Variants in PRR14L observed in about 807,000 individuals in gnomAD.
PRR14L encodes the protein protein PRR14L.
Under a neutral mutation model 155.0 loss-of-function variants are expected in PRR14L, and 80 were observed. That is an observed-to-expected ratio of 0.52 (90% CI 0.43 to 0.62). The LOEUF (loss-of-function observed/expected upper bound fraction) is 0.62, where lower values mean the gene tolerates loss of function less well. Among genes scored for constraint, PRR14L ranks in the 20% least tolerant of loss-of-function variants. PRR14L has a pLI of 0.00. For synonymous variants in PRR14L, 883 were observed against 916.0 expected, an observed-to-expected ratio of 0.96 and a Z score of 0.65; for missense variants, 2,469 against 2,548.0, an observed-to-expected ratio of 0.97 and a Z score of 0.67.
At chr22:31,712,028 CCA>C in intron 4 of PRR14L, 53 bp downstream of exon 4, 1 of 1,503,560 alleles carries the variant, frequency 6.7e-7, no homozygotes, top group Non-Finnish European at 9.0e-7. Context: ...TCTCATCTCC[CCA>C]GAGACAGGAA....
Position 31,703,652 on chromosome 22 carries a change from G to C in PRR14L, c.5898C>G (p.Leu1966=), listed in dbSNP as rs772450310. 2 of 1,613,000 alleles carry C rather than the reference G, an allele frequency of 1.2e-6. No individual in the cohort carries two copies. Among genetic ancestry groups the C allele is most frequent in the East Asian group, 4.5e-5 (2 of 44,802 alleles). Residue 1966 remains leucine, a synonymous_variant, in exon 6 of 9, where the codon CTC becomes CTG. Coordinates refer to ENST00000327423, the MANE Select transcript of PRR14L (RefSeq NM_173566.3). ...CCTGGAACTCAGAGGCTGAAAGCAG[G>C]AGCTTGCTGACAGCTGATTCTGCTA... ...CLVAESAVSK[L]LLSASEFQVR...
At chr22:31,726,903 C>T (rs140686953) in intron 2 of PRR14L, among the ~76,000 whole-genome samples, 14 of 150,810 alleles carry the variant, frequency 9.3e-5, no homozygotes, top group Admixed American at 2.1e-4. Flanking sequence ...ACCTGTTATC[C>T]ATCCCGTTCT....
intron 7 of PRR14L, among the ~76,000 whole-genome samples, chr22:31,696,614 T>C (rs1215706122): frequency 1.3e-5 from 2 of 152,232 alleles, no homozygotes; most frequent in African/African-American, 4.8e-5. Context: ...AGAAGTGTCC[T>C]GAATTGCTCT....
chr22:31,730,516 C>G (rs114620531), intron 2 of PRR14L, among the ~76,000 whole-genome samples: 2,271 of 152,202 alleles, frequency 0.015, 57 homozygotes, highest in African/African-American at 0.053. Context: ...GGGGCAGTGT[C>G]CTATCAGGAG....
In PRR14L at chr22:31,701,649, A is replaced by T; in HGVS notation, c.6107+7T>A. 2 of 1,580,806 alleles carry T rather than the reference A, an allele frequency of 1.3e-6. No individual in the cohort carries two copies. Among genetic ancestry groups the T allele is most frequent in the Non-Finnish European group, 1.7e-6 (2 of 1,159,430 alleles). On this transcript the variant is annotated splice_region_variant and intron_variant, in intron 7 of 8. Transcript: ENST00000327423. Reference sequence around the variant, plus strand: ...TGAACCTAGCTTGTAACAGAGAAGGAGCTCACCTTTTGGGTCGAGGAAGGC... The same window carrying T: ...TGAACCTAGCTTGTAACAGAGAAGGTGCTCACCTTTTGGGTCGAGGAAGGC...
At chr22:31,705,185 C>T (rs777512640) in intron 4 of PRR14L, among the ~76,000 whole-genome samples, 12 of 151,986 alleles carry the variant, frequency 7.9e-5, no homozygotes, top group Non-Finnish European at 1.2e-4. Context: ...TGCTTGAGCC[C>T]GGAAGATCAA....
chr22:31,734,253 G>T (rs904980612), intron 2 of PRR14L, among the ~76,000 whole-genome samples: 2 of 152,152 alleles, frequency 1.3e-5, no homozygotes, highest in African/African-American at 4.8e-5. Flanking sequence ...TTACAGGTGT[G>T]AGCCACCACA....
At chr22:31,707,380 C>A (rs2074597926) in intron 4 of PRR14L, among the ~76,000 whole-genome samples, 1 of 151,936 alleles carries the variant, frequency 6.6e-6, no homozygotes, top group African/African-American at 2.4e-5. Context: ...GAGGAAGTGG[C>A]ACAACCTATT....
At chr22:31,689,995 C>T (rs1014192343) in intron 7 of PRR14L, among the ~76,000 whole-genome samples, 1 of 151,884 alleles carries the variant, frequency 6.6e-6, no homozygotes, top group African/African-American at 2.4e-5. Context: ...CGGCTCACTG[C>T]AACCTCTACC....
In PRR14L at chr22:31,737,992, G is replaced by A. The variant is rs529291529; in HGVS notation, c.474+395C>T. Among the ~76,000 whole-genome samples the A allele has an allele frequency of 1.1e-3, 162 of 151,922 alleles. 1 individual carries two copies. Among genetic ancestry groups the A allele is most frequent in the African/African-American group, 3.7e-3 (154 of 41,432 alleles). On this transcript the variant is annotated intron_variant, in intron 2 of 8. Transcript: ENST00000327423. ...GTCGTGCCACTGCACTCCAGCCTGG[G>A]TGACAGAATGAGACCTTCTTAAAAA...
chr22:31,688,136 T>G lies in PRR14L; in HGVS notation c.6179+20A>C, dbSNP rs1367098627. On this transcript the variant is annotated intron_variant, in intron 8 of 8. Coordinates refer to ENST00000327423, the MANE Select transcript of PRR14L (RefSeq NM_173566.3). Reference sequence around the variant, plus strand: ...TCATTTCAAATTCTTCCCTTTTATTTCCCAGCTATAAGTACCTACCTGTTT... The same window carrying G: ...TCATTTCAAATTCTTCCCTTTTATTGCCCAGCTATAAGTACCTACCTGTTT... The G allele has an allele frequency of 6.3e-7, 1 of 1,594,314 alleles. No homozygotes were observed. Among genetic ancestry groups the G allele is most frequent in the South Asian group, 1.2e-5 (1 of 86,618 alleles).
chr22:31,698,566 T>C (rs2074546883), intron 7 of PRR14L, among the ~76,000 whole-genome samples: 1 of 151,790 alleles, frequency 6.6e-6, no homozygotes, highest in Non-Finnish European at 1.5e-5. Context: ...CATTGAGACT[T>C]ATATAAATCA....
At position 31,716,367 on chromosome 22, in the gene PRR14L, T is replaced by C; in HGVS notation, c.1472A>G (p.Glu491Gly). Residue 491 changes from glutamate to glycine, a missense_variant, in exon 4 of 9, where the codon GAG becomes GGG. Glu to Gly is a moderately conservative substitution (Grantham distance 98, BLOSUM62 -2). Coordinates refer to ENST00000327423, the MANE Select transcript of PRR14L (RefSeq NM_173566.3). Reference protein sequence around the residue: ...VHVQGNLTNPEDHKETFTNMS... With the variant: ...VHVQGNLTNPGDHKETFTNMS... ...ATTAGTAAAAGTTTCTTTATGGTCC[T>C]CAGGGTTTGTCAAGTTACCTTGAAC... 1 of 1,550,706 alleles carries C rather than the reference T, an allele frequency of 6.4e-7. No individual in the cohort carries two copies. The highest frequency in any genetic ancestry group is 1.2e-5 in the South Asian group (1 of 83,752).
intron 3 of PRR14L, among the ~76,000 whole-genome samples, chr22:31,718,792 G>A (rs569022808): frequency 3.3e-5 from 4 of 121,226 alleles, no homozygotes; most frequent in South Asian, 4.5e-4. Context: ...TTTAAAGATC[G>A]GCCAGGCATG....
At chr22:31,724,709 T>A (rs2074707733) in intron 3 of PRR14L, among the ~76,000 whole-genome samples, 1 of 152,178 alleles carries the variant, frequency 6.6e-6, no homozygotes, top group Non-Finnish European at 1.5e-5. Context: ...GATGATTCTG[T>A]ATTAGCCTTG....
In PRR14L at chr22:31,713,329, C is replaced by A. The variant is rs1049636101; in HGVS notation, c.4510G>T (p.Asp1504Tyr). The A allele has an allele frequency of 4.5e-6, 7 of 1,552,182 alleles. No individual in the cohort carries two copies. The highest frequency in any genetic ancestry group is 6.1e-6 in the Non-Finnish European group (7 of 1,147,128). ...KAQDPSSAGC[D>Y]QIHGAFAKKG... ...TTCGCAAAGGCACCATGTATTTGAT[C>A]ACACCCAGCAGAGGAGGGGTCTTGT... Residue 1504 changes from aspartate (D) to tyrosine (Y), a missense_variant, in exon 4 of 9, where the codon GAT becomes TAT. Transcript: ENST00000327423.
chr22:31,712,125 G>C lies in PRR14L; in HGVS notation c.5714C>G (p.Ser1905Cys), dbSNP rs983197973. Reference protein sequence around the residue: ...VCSFEISSLHSPHCKRQPSLG... With the variant: ...VCSFEISSLHCPHCKRQPSLG... ...ACTTGGTTGCCGCTTGCAGTGAGGGGAATGAAGAGAAGAGATTTCGAAGGA... is the reference window on the plus strand; with the variant it reads ...ACTTGGTTGCCGCTTGCAGTGAGGGCAATGAAGAGAAGAGATTTCGAAGGA... Residue 1905 changes from serine to cysteine, a missense_variant, in exon 4 of 9, where the codon TCC (serine) becomes TGC (cysteine). Ser to Cys is a moderately radical substitution (Grantham distance 112, BLOSUM62 -1). This residue lies in a region of PRR14L where 2,363 missense variants were observed against 2,371.6 expected (regional missense o/e 1.00). Coordinates refer to ENST00000327423, the MANE Select transcript of PRR14L (RefSeq NM_173566.3). 2.5e-6 allele frequency: 4 copies of C among 1,613,814 alleles called. No homozygotes were observed. Among genetic ancestry groups the C allele is most frequent in the Non-Finnish European group, 8.5e-7 (1 of 1,179,958 alleles).
In PRR14L at chr22:31,717,230, C is replaced by T; in HGVS notation, c.609G>A (p.Lys203=). The T allele has an allele frequency of 6.4e-7, 1 of 1,551,812 alleles. No individual in the cohort carries two copies. The highest frequency in any genetic ancestry group is 1.2e-5 in the South Asian group (1 of 84,038). The change falls in exon 4 of 9, where the codon AAG becomes AAA. Residue 203 remains lysine (K), a synonymous_variant. Coordinates refer to ENST00000327423, the MANE Select transcript of PRR14L (RefSeq NM_173566.3). ...LLKSAEVQGM[K]VNGTKTDNNE... The stretch of plus-strand genomic sequence containing the variant: ...TATTATCCGTCTTAGTCCCATTGAC[C>T]TTCATACCTTGTACTTCGGCGGATT...
In PRR14L at chr22:31,748,938, T is replaced by G. The variant is rs141161924; in HGVS notation, c.-52+1055A>C. 7.1e-4 allele frequency among the ~76,000 whole-genome samples: 108 copies of G among 152,224 alleles called. 1 individual carries two copies. Among genetic ancestry groups the G allele is most frequent in the African/African-American group, 2.3e-3 (97 of 41,530 alleles). ...AGTGTCTCTTTCTCTAACCCCTAAG[T>G]GGGAGGGAGTCTTCCACTCCAGTGA... is the stretch of plus-strand genomic sequence containing the variant. On this transcript the variant is annotated intron_variant, in intron 1 of 8. Coordinates refer to ENST00000327423, the MANE Select transcript of PRR14L (RefSeq NM_173566.3).
Sources: allele counts gnomAD v4.1 joint callset (sites outside exome capture counted in the v4.1 genomes callset), GRCh38; gene constraint gnomAD v4.1.1; regional missense constraint gnomAD v4.1.1; transcripts MANE v1.5; gene names NCBI Gene and HGNC (gene_info 2026-07-23, HGNC 2026-07-21).